The following CAMK4 variants were observed in gnomAD, a reference collection of about 807,000 sequenced individuals.
The protein encoded by CAMK4 is calcium/calmodulin-dependent protein kinase type IV.
A neutral mutation model predicts 44.9 loss-of-function variants in CAMK4; 22 were observed. The observed-to-expected ratio is 0.49, with a 90% CI of 0.35 to 0.70. The LOEUF is 0.70. Among genes scored for constraint, CAMK4 ranks in the 30% least tolerant of loss-of-function variants. CAMK4 has a pLI of 0.01. For synonymous variants in CAMK4, 218 were observed against 215.4 expected, an observed-to-expected ratio of 1.01 and a Z score of -0.11; for missense variants, 498 against 586.8, an observed-to-expected ratio of 0.85 and a Z score of 1.56.
chr5:111,327,549 G>T (rs539835229), intron 1 of CAMK4, among the ~76,000 whole-genome samples: 1 of 152,038 alleles, frequency 6.6e-6, no homozygotes, highest in Non-Finnish European at 1.5e-5. Flanking sequence ...GGGTCAAATG[G>T]TATTTCTAGT....
At chr5:111,256,588 G>C (rs549856960) in intron 1 of CAMK4, among the ~76,000 whole-genome samples, 2 of 152,216 alleles carry the variant, frequency 1.3e-5, no homozygotes, top group South Asian at 2.1e-4. Context: ...TGGGCCAATA[G>C]TTTTAGAGAG....
At chr5:111,401,529 TCA>T (rs1491548626) in intron 5 of CAMK4, among the ~76,000 whole-genome samples, 1 of 26,034 alleles carries the variant, frequency 3.8e-5, no homozygotes, top group African/African-American at 2.0e-4. Flanking sequence ...TATCTGAGCA[TCA>T]AAAAAAATAG....
At chr5:111,369,469 C>A (rs1750923864) in intron 2 of CAMK4, among the ~76,000 whole-genome samples, 1 of 151,610 alleles carries the variant, frequency 6.6e-6, no homozygotes, top group African/African-American at 2.4e-5. Context: ...TACAATAAAC[C>A]CATTATATTT....
intron 1 of CAMK4, among the ~76,000 whole-genome samples, chr5:111,288,299 T>C (rs2041251532): frequency 6.6e-6 from 1 of 152,220 alleles, no homozygotes; most frequent in Non-Finnish European, 1.5e-5. Flanking sequence ...CTAGCACACA[T>C]GTGCAAGAGT....
intron 1 of CAMK4, among the ~76,000 whole-genome samples, chr5:111,256,476 A>T (rs1749751312): frequency 6.6e-6 from 1 of 152,236 alleles, no homozygotes. Flanking sequence ...TATGTAAAAT[A>T]TAACCTTTGG....
At chr5:111,405,459 TGC>T (rs1752387626) in intron 5 of CAMK4, among the ~76,000 whole-genome samples, 2 of 152,154 alleles carry the variant, frequency 1.3e-5, no homozygotes, top group Admixed American at 1.3e-4. Flanking sequence ...AGAGCAAGAC[TGC>T]GTCTCAAAAC....
intron 1 of CAMK4, among the ~76,000 whole-genome samples, chr5:111,256,480 C>A (rs1749751614): frequency 1.3e-5 from 2 of 152,026 alleles, no homozygotes; most frequent in Non-Finnish European, 2.9e-5. Context: ...TAAAATATAA[C>A]CTTTGGGGGA....
chr5:111,250,775 C>A (rs1749452197), intron 1 of CAMK4, among the ~76,000 whole-genome samples: 1 of 152,152 alleles, frequency 6.6e-6, no homozygotes, highest in Admixed American at 6.5e-5. Context: ...AGGCAACATC[C>A]AATTCTGAGC....
intron 1 of CAMK4, among the ~76,000 whole-genome samples, chr5:111,299,964 C>G (rs752485312): frequency 6.6e-6 from 1 of 151,102 alleles, no homozygotes; most frequent in Non-Finnish European, 1.5e-5. Flanking sequence ...GGGTCCCCTC[C>G]CTAAGCAAGC....
chr5:111,316,592 G>T (rs763822688), intron 1 of CAMK4, among the ~76,000 whole-genome samples: 9 of 152,048 alleles, frequency 5.9e-5, no homozygotes, highest in Non-Finnish European at 1.3e-4. Flanking sequence ...CACGGTGAAG[G>T]CTCCTCTACA....
At position 111,442,541 on chromosome 5, in the gene CAMK4, T is replaced by C. The variant is rs376881836; in HGVS notation, c.460-4145T>C. On this transcript the variant is annotated intron_variant, in intron 5 of 10. Coordinates refer to ENST00000282356, the MANE Select transcript of CAMK4 (RefSeq NM_001744.6). The stretch of plus-strand genomic sequence containing the variant: ...ACATATATATATATATATATATATA[T>C]ATACACACACACACATACATACAGT... 6.4e-3 allele frequency among the ~76,000 whole-genome samples: 840 copies of C among 131,822 alleles called. 12 individuals are homozygous for C. Among genetic ancestry groups the C allele is most frequent in the African/African-American group, 0.023 (782 of 33,782 alleles). 86.5% of individuals were successfully genotyped at this position (131,822 alleles called of 152,430 possible).
rs926854362 is a variant in CAMK4 at position 111,370,223 on chromosome 5, G to A, written c.241-4627G>A. On this transcript the variant is annotated intron_variant, in intron 2 of 10. Transcript: ENST00000282356. ...AGTTTGCTAGCCCAGACTTTTTGCA[G>A]TCTGGCCTGTTCTGAGTATTTTTTG... Among the ~76,000 whole-genome samples the A allele has an allele frequency of 5.3e-5, 8 of 152,122 alleles. 1 individual carries two copies. The highest frequency in any genetic ancestry group is 4.6e-4 in the Admixed American group (7 of 15,268).
chr5:111,478,682 G>T (rs148322904), intron 9 of CAMK4, among the ~76,000 whole-genome samples, 175 bp downstream of exon 9: 220 of 152,018 alleles, frequency 1.4e-3, no homozygotes, highest in African/African-American at 4.9e-3. Flanking sequence ...ATAAAAACTA[G>T]ATATGTTTTT....
chr5:111,472,463 T>C (rs1755098481), intron 7 of CAMK4, among the ~76,000 whole-genome samples: 1 of 152,236 alleles, frequency 6.6e-6, no homozygotes, highest in Non-Finnish European at 1.5e-5. Flanking sequence ...GTGGGGCTCT[T>C]ACTTTCCCTT....
chr5:111,313,671 A>G (rs889760645), intron 1 of CAMK4, among the ~76,000 whole-genome samples: 6 of 152,166 alleles, frequency 3.9e-5, no homozygotes, highest in African/African-American at 7.2e-5. Flanking sequence ...AAAGTGATCA[A>G]TACAGTGCTT....
intron 7 of CAMK4, among the ~76,000 whole-genome samples, chr5:111,470,221 GC>G (rs1755016016): frequency 6.6e-6 from 1 of 152,246 alleles, no homozygotes; most frequent in East Asian, 1.9e-4. Context: ...GGTACAGATT[GC>G]CCCAGAGAAT....
chr5:111,390,517 G>A (rs538942172), intron 4 of CAMK4, among the ~76,000 whole-genome samples: 1 of 152,158 alleles, frequency 6.6e-6, no homozygotes, highest in African/African-American at 2.4e-5. Context: ...AGTACTTTCT[G>A]AAAAATATGC....
intron 7 of CAMK4, among the ~76,000 whole-genome samples, chr5:111,463,980 C>G (rs1190765134): frequency 6.6e-6 from 1 of 151,744 alleles, no homozygotes; most frequent in Non-Finnish European, 1.5e-5. Flanking sequence ...GGCAATGGAT[C>G]CAAACCAAAA....
intron 9 of CAMK4, chr5:111,481,879 C>G (rs1347831861): frequency 6.6e-6 from 1 of 152,102 alleles, no homozygotes; most frequent in African/African-American, 2.4e-5. Flanking sequence ...ATATATGCAT[C>G]TAAGAAGCAA....
Sources: allele counts gnomAD v4.1 joint callset (sites outside exome capture counted in the v4.1 genomes callset), GRCh38; gene constraint gnomAD v4.1.1; transcripts MANE v1.5; gene names NCBI Gene and HGNC (gene_info 2026-07-23, HGNC 2026-07-21).